Variants in RUNX2 observed in about 807,000 individuals in gnomAD.
The protein encoded by RUNX2 is RUNX family transcription factor 2, also known as runt-related transcription factor 2.
In RUNX2, 10 loss-of-function variants were observed where a neutral mutation model predicts 51.7. That is an observed-to-expected ratio of 0.19 (90% confidence interval 0.12 to 0.33). The LOEUF (loss-of-function observed/expected upper bound fraction) is 0.33, where lower values mean the gene tolerates loss of function less well. RUNX2 is among the 10% of genes least tolerant of loss of function. The probability of loss-of-function intolerance (pLI) is 1.00; values close to 1 mark genes in which losing one functional copy is unlikely to be tolerated. For synonymous variants in RUNX2, 276 were observed against 273.6 expected, an observed-to-expected ratio of 1.01 and a Z score of -0.09; for missense variants, 562 against 691.3, an observed-to-expected ratio of 0.81 and a Z score of 2.10.
intron 7 of RUNX2, among the ~76,000 whole-genome samples, chr6:45,524,494 T>C (rs1325006173): frequency 1.3e-5 from 2 of 152,104 alleles, no homozygotes; most frequent in Non-Finnish European, 2.9e-5. Context: ...CCGTTCCAGC[T>C]CTCTGTGGTA....
At chr6:45,357,428 G>C (rs546489828) in intron 2 of RUNX2, among the ~76,000 whole-genome samples, 2 of 149,876 alleles carry the variant, frequency 1.3e-5, no homozygotes, top group East Asian at 3.9e-4. Flanking sequence ...CCTCCTAGGT[G>C]CAAGTGATCC....
chr6:45,398,649 A>G (rs1173891815), intron 2 of RUNX2, among the ~76,000 whole-genome samples: 3 of 152,182 alleles, frequency 2.0e-5, no homozygotes, highest in Non-Finnish European at 4.4e-5. Context: ...TTAGATCTTT[A>G]TCTTGAAGTC....
At chr6:45,472,203 G>A (rs1799822554) in intron 5 of RUNX2, among the ~76,000 whole-genome samples, 1 of 152,116 alleles carries the variant, frequency 6.6e-6, no homozygotes, top group African/African-American at 2.4e-5. Flanking sequence ...TAGCCTTAGT[G>A]CTGCCTGGTG....
At chr6:45,545,190 T>G (rs907981139) in intron 7 of RUNX2, 27 bp from the exon 8 acceptor site, 12 of 1,514,286 alleles carry the variant, frequency 7.9e-6, no homozygotes, top group South Asian at 1.2e-5. Flanking sequence ...GGAAGGGAAC[T>G]TAGAGCTCAT....
chr6:45,400,158 A>AGAAG (rs1177147203), intron 2 of RUNX2, among the ~76,000 whole-genome samples: 7 of 124,886 alleles, frequency 5.6e-5, no homozygotes, highest in Middle Eastern at 4.9e-3. Flanking sequence ...AAGGAAGGAA[A>AGAAG]GAAGGAAGGA....
At chr6:45,429,535 T>C (rs970631849) in intron 3 of RUNX2, among the ~76,000 whole-genome samples, 1 of 152,192 alleles carries the variant, frequency 6.6e-6, no homozygotes, top group Non-Finnish European at 1.5e-5. Flanking sequence ...GAGGAAGTCT[T>C]ATTTTCAAGG....
At chr6:45,470,718 C>CT in intron 5 of RUNX2, among the ~76,000 whole-genome samples, 1 of 152,284 alleles carries the variant, frequency 6.6e-6, no homozygotes, top group South Asian at 2.1e-4. Flanking sequence ...GAAACTGTGC[C>CT]TTTTTGTAGC....
At chr6:45,398,664 A>G (rs1797632834) in intron 2 of RUNX2, among the ~76,000 whole-genome samples, 1 of 152,198 alleles carries the variant, frequency 6.6e-6, no homozygotes, top group African/African-American at 2.4e-5. Flanking sequence ...GAAGTCAGTC[A>G]GTCCTTCAAA....
At position 45,422,824 on chromosome 6, in the gene RUNX2, A is replaced by G. The variant is rs1582094936; in HGVS notation, c.290A>G (p.His97Arg). ...GCAGTGCCCCGGTTGCGGCCGCCCC[A>G]CGACAACCGCACCATGGTGGAGATC... is the stretch of plus-strand genomic sequence containing the variant. ...AAAVPRLRPP[H>R]DNRTMVEIIA... The change falls in exon 3 of 9, where the codon CAC becomes CGC. Residue 97 changes from histidine (H) to arginine (R), a missense_variant. His to Arg is a conservative substitution (Grantham distance 29, BLOSUM62 0). Transcript: ENST00000647337. The G allele has an allele frequency of 6.2e-7, 1 of 1,603,952 alleles. No homozygotes were observed. Among genetic ancestry groups the G allele is most frequent in the Non-Finnish European group, 8.5e-7 (1 of 1,177,138 alleles).
At chr6:45,539,681 T>A (rs1410835621) in intron 7 of RUNX2, among the ~76,000 whole-genome samples, 1 of 152,198 alleles carries the variant, frequency 6.6e-6, no homozygotes, top group Non-Finnish European at 1.5e-5. Flanking sequence ...GAATAATGTT[T>A]ATCCATAGCA....
intron 2 of RUNX2, among the ~76,000 whole-genome samples, chr6:45,340,199 GA>G (rs1238375078): frequency 6.6e-6 from 1 of 152,062 alleles, no homozygotes; most frequent in Non-Finnish European, 1.5e-5. Context: ...ATACAAACAA[GA>G]AGATAATCCT....
At chr6:45,349,251 T>A (rs368957168) in intron 2 of RUNX2, among the ~76,000 whole-genome samples, 108 of 152,336 alleles carry the variant, frequency 7.1e-4, no homozygotes, top group African/African-American at 2.6e-3. Flanking sequence ...TAATTCTCTA[T>A]ATTTTGTCCC....
intron 2 of RUNX2, among the ~76,000 whole-genome samples, chr6:45,338,803 G>T (rs1450823488): frequency 1.3e-5 from 2 of 152,010 alleles, no homozygotes; most frequent in Non-Finnish European, 2.9e-5. Flanking sequence ...CTCTGGATGA[G>T]ACAAGGGAGG....
chr6:45,417,348 C>T (rs1424286292), intron 2 of RUNX2, among the ~76,000 whole-genome samples: 1 of 152,150 alleles, frequency 6.6e-6, no homozygotes, highest in Non-Finnish European at 1.5e-5. Context: ...AAAATGCTGA[C>T]ATATGGAGAT....
intron 7 of RUNX2, among the ~76,000 whole-genome samples, chr6:45,519,796 G>GTT (rs1801444458): frequency 1.0e-5 from 1 of 100,248 alleles, no homozygotes; most frequent in Non-Finnish European, 2.2e-5. Context: ...ATATATGTGT[G>GTT]TGTGTGTGTG....
At chr6:45,376,981 C>T (rs978348158) in intron 2 of RUNX2, among the ~76,000 whole-genome samples, 4 of 151,624 alleles carry the variant, frequency 2.6e-5, no homozygotes, top group Non-Finnish European at 5.9e-5. Context: ...CTAATTTATC[C>T]ACGTGTACAG....
At chr6:45,365,219 G>T in intron 2 of RUNX2, 3 of 1,609,524 alleles carry the variant, frequency 1.9e-6, no homozygotes, top group Non-Finnish European at 1.7e-6. Context: ...CTGTAATTCT[G>T]TTGCAAAGCT....
rs1219640122 is a variant in RUNX2, at chr6:45,441,151, C to T, written c.685+3100C>T. ...AATTCCTTAATTAGTGGTTATTAGT[C>T]ATAAAAGTAGTATACTTCTGTTTAT... is the stretch of plus-strand genomic sequence containing the variant. On this transcript the variant is annotated intron_variant, in intron 5 of 8. Transcript: ENST00000647337. Among the ~76,000 whole-genome samples the T allele has an allele frequency of 2.6e-5, 4 of 152,130 alleles. No homozygotes were observed. In the South Asian group the frequency reaches 8.3e-4, roughly 31 times the overall value.
At chr6:45,437,353 C>A (rs1798711900) in intron 4 of RUNX2, among the ~76,000 whole-genome samples, 2 of 152,088 alleles carry the variant, frequency 1.3e-5, no homozygotes, top group South Asian at 4.1e-4. Context: ...AGGAGAAAAA[C>A]TTTGTTCCAG....
Sources: allele counts gnomAD v4.1 joint callset (sites outside exome capture counted in the v4.1 genomes callset), GRCh38; gene constraint gnomAD v4.1.1; transcripts MANE v1.5; gene names NCBI Gene and HGNC (gene_info 2026-07-23, HGNC 2026-07-21).